Variants in GRM5 observed in about 807,000 individuals in gnomAD.
GRM5 encodes the protein metabotropic glutamate receptor 5.
Under a neutral mutation model 83.1 loss-of-function variants are expected in GRM5, and 19 were observed. The ratio of observed to expected loss-of-function variants is 0.23; its 90% CI spans 0.16 to 0.34. The LOEUF is 0.34. Ranked by LOEUF, GRM5 falls within the 10% of genes least tolerant of loss-of-function variation. GRM5 has a pLI of 1.00. For synonymous variants in GRM5, 675 were observed against 633.6 expected (o/e 1.07, Z -0.98); for missense variants, 1,160 against 1,588.3 (o/e 0.73, Z 4.58).
At chr11:88,975,470 G>A (rs1480010053) in intron 2 of GRM5, among the ~76,000 whole-genome samples, 1 of 152,194 alleles carries the variant, frequency 6.6e-6, no homozygotes, top group Non-Finnish European at 1.5e-5. Flanking sequence ...ATGCCAGGGA[G>A]TTTGAATTTC....
intron 2 of GRM5, among the ~76,000 whole-genome samples, chr11:88,860,796 G>T (rs1226278650): frequency 6.6e-6 from 1 of 152,164 alleles, no homozygotes; most frequent in African/African-American, 2.4e-5. Flanking sequence ...TGGCTGCACT[G>T]TCATTGTTGC....
chr11:88,853,454 G>C (rs529720123), intron 2 of GRM5, among the ~76,000 whole-genome samples: 10 of 151,972 alleles, frequency 6.6e-5, no homozygotes, highest in African/African-American at 2.4e-4. Context: ...GTGATTAAGG[G>C]AATTATTTGA....
intron 2 of GRM5, among the ~76,000 whole-genome samples, chr11:89,043,064 T>C (rs1379761826): frequency 6.6e-6 from 1 of 151,938 alleles, no homozygotes; most frequent in Non-Finnish European, 1.5e-5. Context: ...ATCAAGGGAG[T>C]CATTTTGACA....
chr11:88,918,070 A>C (rs551695025), intron 2 of GRM5, among the ~76,000 whole-genome samples: 1 of 152,222 alleles, frequency 6.6e-6, no homozygotes, highest in South Asian at 2.1e-4. Flanking sequence ...AGAAAGGATC[A>C]TAAAGGCAGC....
chr11:88,896,642 T>A (rs547341618), intron 2 of GRM5, among the ~76,000 whole-genome samples: 1 of 151,888 alleles, frequency 6.6e-6, no homozygotes, highest in African/African-American at 2.4e-5. Context: ...AGAGGGCCAA[T>A]GATGTGAGTC....
chr11:88,569,274 G>T (rs308875), intron 7 of GRM5, among the ~76,000 whole-genome samples: 77,168 of 151,974 alleles, frequency 0.51, 22,965 homozygotes, highest in African/African-American at 0.84. Flanking sequence ...AGTTAGACTT[G>T]AAAGAAAATG....
intron 7 of GRM5, among the ~76,000 whole-genome samples, chr11:88,572,129 T>C (rs188771703): frequency 1.3e-5 from 2 of 152,206 alleles, no homozygotes; most frequent in Non-Finnish European, 2.9e-5. Context: ...CTGTTTGTAC[T>C]GGGTCTGACC....
At chr11:88,962,348 C>A in intron 2 of GRM5, among the ~76,000 whole-genome samples, 1 of 152,116 alleles carries the variant, frequency 6.6e-6, no homozygotes. Flanking sequence ...TCAATTCTTC[C>A]ATTCACTTAC....
intron 3 of GRM5, among the ~76,000 whole-genome samples, chr11:88,783,742 C>G (rs1169677805): frequency 1.3e-5 from 2 of 152,002 alleles, no homozygotes; most frequent in African/African-American, 4.8e-5. Context: ...CAAAAGGGCA[C>G]TTCTGTGTCT....
At chr11:88,987,869 T>C (rs908245134) in intron 2 of GRM5, among the ~76,000 whole-genome samples, 1 of 150,446 alleles carries the variant, frequency 6.6e-6, no homozygotes, top group Non-Finnish European at 1.5e-5. Flanking sequence ...TACATCACCA[T>C]CATCAAAGAC....
chr11:89,047,558 G>A lies in GRM5; in HGVS notation c.315C>T (p.Ala105=), dbSNP rs150258723. Reference sequence around the variant, plus strand: ...TTATGAACTCAATGCTCTGCTCTAGGGCCACAGCCGAATGCCAGCAGGAGT... The same window carrying A: ...TTATGAACTCAATGCTCTGCTCTAGAGCCACAGCCGAATGCCAGCAGGAGT... ...IRDSCWHSAV[A]LEQSIEFIRD... The change falls in exon 2 of 10, where the codon GCC becomes GCT. Residue 105 remains alanine, a synonymous_variant. Coordinates refer to ENST00000305447, the MANE Select transcript of GRM5 (RefSeq NM_001143831.3). This position sits in a 1 kb window ranked among gnomAD's most constrained non-coding sequence, Gnocchi z 5.1. The A allele has an allele frequency of 1.7e-5, 27 of 1,613,972 alleles. No individual in the cohort carries two copies. The African/African-American group carries it at 3.3e-4, about 20-fold the overall frequency.
intron 3 of GRM5, among the ~76,000 whole-genome samples, chr11:88,838,219 A>T (rs1362160563): frequency 6.6e-6 from 1 of 151,738 alleles, no homozygotes; most frequent in African/African-American, 2.4e-5. Flanking sequence ...CATTCTTTAC[A>T]TTTTAATAGG....
At chr11:89,017,166 A>G (rs1239578314) in intron 2 of GRM5, among the ~76,000 whole-genome samples, 1 of 152,170 alleles carries the variant, frequency 6.6e-6, no homozygotes, top group Non-Finnish European at 1.5e-5. Flanking sequence ...TAAAAATATG[A>G]AATTCATCAG....
At chr11:88,852,072 T>C (rs1197255147) in intron 2 of GRM5, among the ~76,000 whole-genome samples, 2 of 152,234 alleles carry the variant, frequency 1.3e-5, no homozygotes, top group Non-Finnish European at 2.9e-5. Flanking sequence ...ATAAATAATT[T>C]GAAATTAGGT....
chr11:88,785,451 C>G (rs998871682), intron 3 of GRM5, among the ~76,000 whole-genome samples: 1 of 151,866 alleles, frequency 6.6e-6, no homozygotes. Flanking sequence ...GTAAGTTGTT[C>G]AAAGAATAAA....
At chr11:88,580,856 T>C (rs1284113372) in intron 7 of GRM5, among the ~76,000 whole-genome samples, 1 of 152,210 alleles carries the variant, frequency 6.6e-6, no homozygotes, top group Non-Finnish European at 1.5e-5. Context: ...TAAACACCTG[T>C]TAGGCCAGGC....
chr11:88,794,753 C>A (rs1240341405), intron 3 of GRM5, among the ~76,000 whole-genome samples: 2 of 152,130 alleles, frequency 1.3e-5, no homozygotes, highest in Non-Finnish European at 2.9e-5. Flanking sequence ...AGCATCATAT[C>A]CTGTTACTGG....
At chr11:88,621,100 G>A (rs57966993) in intron 4 of GRM5, among the ~76,000 whole-genome samples, 3,322 of 152,184 alleles carry the variant, frequency 0.022, 118 homozygotes, top group African/African-American at 0.075. Flanking sequence ...CATATGGTGT[G>A]TAAATGAAAG....
intron 2 of GRM5, among the ~76,000 whole-genome samples, chr11:88,960,161 T>C (rs1938739400): frequency 6.6e-6 from 1 of 152,108 alleles, no homozygotes; most frequent in Non-Finnish European, 1.5e-5. Flanking sequence ...GATGGATGAA[T>C]GGGGCAAGTG....
Sources: gnomAD v4.1 joint callset for allele counts (sites outside exome capture counted in the v4.1 genomes callset) on GRCh38, gnomAD v4.1.1 for gene constraint, Gnocchi (gnomAD v3.1) non-coding constraint, MANE v1.5 for transcripts, NCBI Gene and HGNC (gene_info 2026-07-23, HGNC 2026-07-21) for gene names.